Variants in PARG observed in about 807,000 individuals in gnomAD.
PARG encodes the protein poly(ADP-ribose) glycohydrolase.
Under a neutral mutation model 113.0 loss-of-function variants are expected in PARG, and 35 were observed. The ratio of observed to expected loss-of-function variants is 0.31; its 90% CI spans 0.24 to 0.41. The LOEUF (loss-of-function observed/expected upper bound fraction) is 0.41, where lower values mean the gene tolerates loss of function less well. PARG is among the 10% of genes least tolerant of loss of function. PARG has a pLI of 1.00. For missense variants in PARG, 797 were observed against 1,169.4 expected, an observed-to-expected ratio of 0.68 and a Z score of 4.64; for synonymous variants, 330 against 409.9, an observed-to-expected ratio of 0.81 and a Z score of 2.36.
At chr10:49,835,885 A>G (rs1844895328) in intron 15 of PARG, among the ~76,000 whole-genome samples, 1 of 152,110 alleles carries the variant, frequency 6.6e-6, no homozygotes, top group Admixed American at 6.5e-5. Flanking sequence ...AGATTATTAT[A>G]CCATTATTTT....
At chr10:49,937,638 TGATAA>T (rs1838820420) in intron 1 of PARG, among the ~76,000 whole-genome samples, 1 of 152,202 alleles carries the variant, frequency 6.6e-6, no homozygotes, top group Non-Finnish European at 1.5e-5. Context: ...CGTACTCCTG[TGATAA>T]GTCTACAGAA....
intron 13 of PARG, among the ~76,000 whole-genome samples, chr10:49,856,140 G>A (rs546740601): frequency 2.2e-4 from 34 of 151,450 alleles, no homozygotes; most frequent in East Asian, 1.2e-3. Flanking sequence ...CCATATTAGC[G>A]TAAAGAAATC....
chr10:49,878,549 T>G (rs1489980446), intron 9 of PARG, among the ~76,000 whole-genome samples: 2 of 138,222 alleles, frequency 1.4e-5, no homozygotes, highest in African/African-American at 2.6e-5. Context: ...ACCCGGGAGG[T>G]GGAGGTTTCA....
At chr10:49,855,630 GCA>G (rs1174172302) in intron 13 of PARG, among the ~76,000 whole-genome samples, 1 of 138,484 alleles carries the variant, frequency 7.2e-6, no homozygotes, top group African/African-American at 2.7e-5. Flanking sequence ...TCTATCTGAG[GCA>G]CAGTGTGGCT....
chr10:49,887,687 G>A (rs1554840687), intron 7 of PARG, among the ~76,000 whole-genome samples: 2 of 151,894 alleles, frequency 1.3e-5, no homozygotes, highest in Non-Finnish European at 2.9e-5. Context: ...ATATTCCATG[G>A]TTTGTTTAGC....
At chr10:49,920,477 TATATATATATATATATATATACAC>T (rs1227937308) in intron 6 of PARG, among the ~76,000 whole-genome samples, 1 of 92,186 alleles carries the variant, frequency 1.1e-5, no homozygotes, top group Non-Finnish European at 2.4e-5. Context: ...TATATATATA[TATATATATATATATATATATACAC>T]ACACACACAC....
chr10:49,839,378 A>C (rs538264609), intron 15 of PARG, among the ~76,000 whole-genome samples: 20 of 152,248 alleles, frequency 1.3e-4, no homozygotes, highest in African/African-American at 4.8e-4. Context: ...CAAGTCATTT[A>C]ACAAAATATT....
intron 16 of PARG, among the ~76,000 whole-genome samples, chr10:49,827,110 G>C (rs1280818790): frequency 6.6e-6 from 1 of 152,150 alleles, no homozygotes; most frequent in South Asian, 2.1e-4. Context: ...GAACTTTTCT[G>C]GTGGAAGGGA....
chr10:49,821,391 A>T (rs1554828595), intron 16 of PARG, among the ~76,000 whole-genome samples: 2 of 151,930 alleles, frequency 1.3e-5, no homozygotes, highest in African/African-American at 2.4e-5. Flanking sequence ...GGATATATAT[A>T]TTTTTTGAGA....
In PARG at chr10:49,836,307, CTTTTTTTTTTT is replaced by C. The variant is rs1168567519; in HGVS notation, c.2542-3410_2542-3400del. 5.4e-3 allele frequency among the ~76,000 whole-genome samples: 259 copies of C among 48,012 alleles called. 4 individuals are homozygous for C. Among genetic ancestry groups the C allele is most frequent in the African/African-American group, 0.018 (232 of 13,064 alleles). 31.5% of individuals were successfully genotyped at this position (48,012 alleles called of 152,430 possible). A position where few individuals can be genotyped will look rare whatever the true frequency, so the allele number is the denominator to read the frequency against. The stretch of plus-strand genomic sequence containing the variant: ...TTTAGTATTCTCTGATTTCTTACGA[CTTTTTTTTTTT>C]TTTTTTTTTTTTTTTTTTAGCCCAG... On this transcript the variant is annotated intron_variant, in intron 15 of 17. Coordinates refer to ENST00000616448, the MANE Select transcript of PARG (RefSeq NM_003631.5).
At position 49,932,200 on chromosome 10, in the gene PARG, T is replaced by C; in HGVS notation, c.1355A>G (p.Lys452Arg). 3 of 1,602,460 alleles carry C rather than the reference T, an allele frequency of 1.9e-6. No homozygotes were observed. The highest frequency in any genetic ancestry group is 2.6e-6 in the Non-Finnish European group (3 of 1,169,346). The change falls in exon 4 of 18, where the codon AAG becomes AGG. Residue 452 changes from lysine (K) to arginine (R), a missense_variant. Coordinates refer to ENST00000616448, the MANE Select transcript of PARG (RefSeq NM_003631.5). ...CTCCTCAATGGGAGTTCCAAGCCACTTCTTATCTGGAGAAAGGTGAGGTGG... is the reference window on the plus strand; with the variant it reads ...CTCCTCAATGGGAGTTCCAAGCCACCTCTTATCTGGAGAAAGGTGAGGTGG... The part of the protein sequence containing the change: ...YVPPHLSPDK[K>R]WLGTPIEEMR...
chr10:49,896,806 T>C (rs545759065), intron 7 of PARG, among the ~76,000 whole-genome samples: 136 of 152,354 alleles, frequency 8.9e-4, no homozygotes, highest in East Asian at 1.7e-3. Flanking sequence ...GGTATATATA[T>C]ATGGCTTTAT....
intron 15 of PARG, among the ~76,000 whole-genome samples, chr10:49,833,775 A>G (rs1335057667): frequency 1.3e-5 from 2 of 152,216 alleles, no homozygotes; most frequent in East Asian, 3.8e-4. Flanking sequence ...ATACAGCAGC[A>G]AAGCAAAACT....
intron 8 of PARG, 107 bp downstream of exon 8, chr10:49,885,088 CTCTCTCTG>C (rs1450932507): frequency 3.1e-5 from 23 of 740,552 alleles, no homozygotes; most frequent in East Asian, 1.5e-4. Context: ...CTCTCTCTCT[CTCTCTCTG>C]TCTCTCTGTC....
intron 4 of PARG, 26 bp from the exon 5 acceptor site, chr10:49,922,695 T>C: frequency 6.8e-7 from 1 of 1,469,168 alleles, no homozygotes; most frequent in South Asian, 1.2e-5. Flanking sequence ...AACAAAATTG[T>C]CAGTGCATAA....
rs1554847122 is a variant in PARG, at chr10:49,914,634, T to C, written c.1737+1283A>G. 2.0e-5 allele frequency among the ~76,000 whole-genome samples: 3 copies of C among 152,156 alleles called. 1 individual carries two copies. The South Asian group carries it at 6.2e-4, about 31-fold the overall frequency. Reference sequence around the variant, plus strand: ...GAGTGAAATGCAAAGAATCCAAAAATAGCCAAAACAAATTTGAAAAAGACC... The same window carrying C: ...GAGTGAAATGCAAAGAATCCAAAAACAGCCAAAACAAATTTGAAAAAGACC... On this transcript the variant is annotated intron_variant, in intron 7 of 17. Transcript: ENST00000616448.
intron 16 of PARG, among the ~76,000 whole-genome samples, chr10:49,824,625 ACAC>A (rs1554829163): frequency 2.6e-5 from 4 of 152,148 alleles, no homozygotes; most frequent in African/African-American, 9.7e-5. Context: ...ATTGATACTC[ACAC>A]CACAAGTGTG....
At chr10:49,839,715 T>C (rs1845130654) in intron 15 of PARG, among the ~76,000 whole-genome samples, 1 of 152,232 alleles carries the variant, frequency 6.6e-6, no homozygotes, top group Admixed American at 6.5e-5. Flanking sequence ...AGATCATAAT[T>C]GAGGATAACT....
At chr10:49,893,636 T>C (rs189747748) in intron 7 of PARG, among the ~76,000 whole-genome samples, 19 of 152,064 alleles carry the variant, frequency 1.2e-4, no homozygotes, top group African/African-American at 4.1e-4. Context: ...ACCCTCAGCC[T>C]CCCAAGTAGC....
Sources: allele counts gnomAD v4.1 joint callset (sites outside exome capture counted in the v4.1 genomes callset), GRCh38; gene constraint gnomAD v4.1.1; transcripts MANE v1.5; gene names NCBI Gene and HGNC (gene_info 2026-07-23, HGNC 2026-07-21).